KCNH5: variants seen among roughly 807,000 people sequenced by gnomAD.
KCNH5 encodes voltage-gated delayed rectifier potassium channel KCNH5.
KCNH5 carries 46 observed loss-of-function variants against 96.1 expected under a neutral mutation model. The ratio of observed to expected loss-of-function variants is 0.48; its 90% confidence interval spans 0.38 to 0.61. The LOEUF is 0.61. Among genes scored for constraint, KCNH5 ranks in the 20% least tolerant of loss-of-function variants. KCNH5 has a pLI of 0.00. For missense variants in KCNH5, 907 were observed against 1,225.8 expected (o/e 0.74, Z 3.88); for synonymous variants, 439 against 449.8 (o/e 0.98, Z 0.30).
chr14:62,964,524 GT>G (rs1282868441), intron 6 of KCNH5, among the ~76,000 whole-genome samples: 11 of 152,014 alleles, frequency 7.2e-5, no homozygotes, highest in African/African-American at 2.2e-4. Context: ...CTTACTGTCT[GT>G]TTTTCCCCCA....
At chr14:63,028,722 T>G (rs1264345291) in intron 1 of KCNH5, among the ~76,000 whole-genome samples, 3 of 152,112 alleles carry the variant, frequency 2.0e-5, no homozygotes, top group Non-Finnish European at 4.4e-5. Flanking sequence ...GCAGAGTTGT[T>G]TAGGGAGAAG....
chr14:63,011,856 G>A (rs76817830), intron 2 of KCNH5, among the ~76,000 whole-genome samples: 2,587 of 152,242 alleles, frequency 0.017, 27 homozygotes, highest in Middle Eastern at 0.051. Flanking sequence ...TAAAACTGCT[G>A]TGAAATCTGC....
At chr14:63,016,669 T>A (rs1037883802) in intron 2 of KCNH5, among the ~76,000 whole-genome samples, 162 bp downstream of exon 2, 1 of 152,130 alleles carries the variant, frequency 6.6e-6, no homozygotes, top group Admixed American at 6.6e-5. Context: ...CAGTGGCTCT[T>A]AAGCTATGTG....
intron 10 of KCNH5, among the ~76,000 whole-genome samples, chr14:62,766,300 A>G (rs1208105956): frequency 6.6e-6 from 1 of 152,210 alleles, no homozygotes; most frequent in Non-Finnish European, 1.5e-5. Flanking sequence ...CAGAGCTACC[A>G]TATCATCCAG....
intron 7 of KCNH5, among the ~76,000 whole-genome samples, chr14:62,881,106 G>A (rs1888482736): frequency 6.6e-6 from 1 of 152,154 alleles, no homozygotes; most frequent in Non-Finnish European, 1.5e-5. Context: ...AAATGCTTAT[G>A]CATTAAGCGC....
chr14:63,016,880 G>C lies in KCNH5; in HGVS notation c.148C>G (p.Leu50Val). 1.2e-6 allele frequency: 2 copies of C among 1,611,236 alleles called. No homozygotes were observed. The highest frequency in any genetic ancestry group is 3.3e-4 in the Middle Eastern group (2 of 6,050). Residue 50 changes from leucine (L) to valine (V), a missense_variant, in exon 2 of 11, where the codon CTC (leucine) becomes GTC (valine). By Grantham distance (32) the Leu-to-Val change is conservative (BLOSUM62 1). Around this residue, in one of 6 missense-constraint regions of KCNH5, gnomAD observed 370 missense variants for 561.3 expected, o/e 0.66. Transcript: ENST00000322893. ...VVYSNDGFCK[L>V]SGYHRADVMQ... Reference sequence around the variant, plus strand: ...ACGTCAGCTCGATGATATCCAGAGAGTTTACAAAAACCGTCATTACTATAA... The same window carrying C: ...ACGTCAGCTCGATGATATCCAGAGACTTTACAAAAACCGTCATTACTATAA...
chr14:62,749,957 T>C (rs1253275296), intron 10 of KCNH5, among the ~76,000 whole-genome samples: 1 of 152,200 alleles, frequency 6.6e-6, no homozygotes, highest in Non-Finnish European at 1.5e-5. Context: ...ATTTAGGAAT[T>C]ATTTCCTTTA....
chr14:62,704,086 T>C lies in KCNH5; in HGVS notation c.*3422A>G, dbSNP rs1451816559. 1.3e-5 allele frequency: 2 copies of C among 151,920 alleles called. No homozygotes were observed. Among genetic ancestry groups the C allele is most frequent in the African/African-American group, 4.8e-5 (2 of 41,450 alleles). The allele number at this position is 151,920 out of a possible 1,614,324, so 9.4% of individuals were successfully genotyped here. ...CATTTGGGCTCCAATAAGGTTAATTTTGATAATGGTACTTTAGTTAGCGGT... is the reference window on the plus strand; with the variant it reads ...CATTTGGGCTCCAATAAGGTTAATTCTGATAATGGTACTTTAGTTAGCGGT... On this transcript the variant is annotated 3_prime_UTR_variant, in exon 11 of 11. Transcript: ENST00000322893.
intron 8 of KCNH5, among the ~76,000 whole-genome samples, chr14:62,836,816 C>T (rs1887474673): frequency 6.6e-6 from 1 of 152,052 alleles, no homozygotes; most frequent in African/African-American, 2.4e-5. Flanking sequence ...ATCTTGGTCA[C>T]AGGTGCATCT....
rs953409452 is a variant in KCNH5, at chr14:62,702,926, T to G, written c.*4582A>C. On this transcript the variant is annotated 3_prime_UTR_variant, in exon 11 of 11. Coordinates refer to ENST00000322893, the MANE Select transcript of KCNH5 (RefSeq NM_139318.5). The stretch of plus-strand genomic sequence containing the variant: ...GTCATGATTATTTTAATATAAAAAG[T>G]TGAAGGATGAACTACTCTAGTTTTT... The G allele has an allele frequency of 6.6e-6, 1 of 151,938 alleles. No homozygotes were observed. The highest frequency in any genetic ancestry group is 2.4e-5 in the African/African-American group (1 of 41,446). The allele number at this position is 151,938 out of a possible 1,614,324, so 9.4% of individuals were successfully genotyped here.
intron 7 of KCNH5, among the ~76,000 whole-genome samples, chr14:62,867,042 GC>G (rs1409152293): frequency 6.6e-6 from 1 of 152,110 alleles, no homozygotes; most frequent in Non-Finnish European, 1.5e-5. Flanking sequence ...CAGGAGTGAT[GC>G]CCCAAATGGG....
chr14:62,813,707 T>C (rs1017148063), intron 8 of KCNH5, among the ~76,000 whole-genome samples: 1 of 152,174 alleles, frequency 6.6e-6, no homozygotes, highest in Non-Finnish European at 1.5e-5. Flanking sequence ...TTCATGAATC[T>C]AATGGAGCTG....
At chr14:62,819,000 T>G (rs1887057997) in intron 8 of KCNH5, among the ~76,000 whole-genome samples, 1 of 152,188 alleles carries the variant, frequency 6.6e-6, no homozygotes, top group Non-Finnish European at 1.5e-5. Flanking sequence ...GGAGTCTCGC[T>G]CTGTCACCCA....
chr14:62,769,238 G>A (rs1885934007), intron 10 of KCNH5, among the ~76,000 whole-genome samples: 1 of 152,238 alleles, frequency 6.6e-6, no homozygotes, highest in Non-Finnish European at 1.5e-5. Flanking sequence ...GTGAAGTGAT[G>A]AGTAGCATCA....
At chr14:62,858,279 C>T (rs1007030577) in intron 7 of KCNH5, among the ~76,000 whole-genome samples, 2 of 152,080 alleles carry the variant, frequency 1.3e-5, no homozygotes, top group Non-Finnish European at 2.9e-5. Flanking sequence ...CGTGTTTTTT[C>T]CTGGTGGAGT....
intron 7 of KCNH5, among the ~76,000 whole-genome samples, chr14:62,917,408 T>C (rs1422859621): frequency 6.6e-6 from 1 of 151,604 alleles, no homozygotes; most frequent in Admixed American, 6.6e-5. Context: ...CAAGATATCC[T>C]GCATCCACAC....
chr14:63,015,595 G>C (rs1229711344), intron 2 of KCNH5, among the ~76,000 whole-genome samples: 1 of 151,886 alleles, frequency 6.6e-6, no homozygotes, highest in Non-Finnish European at 1.5e-5. Context: ...TGAATGAATT[G>C]ATTAATTCAC....
At chr14:62,974,530 C>T (rs552145466) in intron 6 of KCNH5, among the ~76,000 whole-genome samples, 39 of 152,306 alleles carry the variant, frequency 2.6e-4, no homozygotes, top group African/African-American at 9.4e-4. Context: ...TTAATGGAAT[C>T]TGTCTTTTCT....
At chr14:63,003,620 A>ATTT (rs1229857720) in intron 3 of KCNH5, among the ~76,000 whole-genome samples, 4 of 114,322 alleles carry the variant, frequency 3.5e-5, no homozygotes, top group African/African-American at 1.4e-4. Context: ...ATATATATAT[A>ATTT]TATATTTTTT....
Sources: gnomAD v4.1 joint callset for allele counts (sites outside exome capture counted in the v4.1 genomes callset) on GRCh38, gnomAD v4.1.1 for gene constraint, gnomAD v4.1.1 regional missense constraint, MANE v1.5 for transcripts, NCBI Gene and HGNC (gene_info 2026-07-23, HGNC 2026-07-21) for gene names.